OPCML: variants seen among roughly 807,000 people sequenced by gnomAD.
The protein encoded by OPCML is opioid binding protein/cell adhesion molecule like, also known as opioid-binding protein/cell adhesion molecule.
OPCML carries 13 observed loss-of-function variants against 37.8 expected under a neutral mutation model. That is an observed-to-expected ratio of 0.34 (90% confidence interval 0.22 to 0.55). The LOEUF (loss-of-function observed/expected upper bound fraction) is 0.55. OPCML is among the 20% of genes least tolerant of loss of function. The pLI is 0.91. For missense variants in OPCML, 341 were observed against 435.6 expected, an observed-to-expected ratio of 0.78 and a Z score of 1.93; for synonymous variants, 176 against 168.8, an observed-to-expected ratio of 1.04 and a Z score of -0.33.
intron 2 of OPCML, among the ~76,000 whole-genome samples, chr11:132,884,710 G>C (rs370878453): frequency 5.3e-5 from 8 of 152,256 alleles, no homozygotes; most frequent in African/African-American, 1.9e-4. Flanking sequence ...TTCATTAGTG[G>C]CTACAATCAA....
chr11:132,551,112 T>C (rs1414467536), intron 3 of OPCML, among the ~76,000 whole-genome samples: 1 of 152,228 alleles, frequency 6.6e-6, no homozygotes, highest in Non-Finnish European at 1.5e-5. Flanking sequence ...TTCTGTGAGT[T>C]ACTCTTTCTC....
At chr11:133,407,654 G>C (rs182043966) in intron 1 of OPCML, among the ~76,000 whole-genome samples, 2 of 152,314 alleles carry the variant, frequency 1.3e-5, no homozygotes, top group Admixed American at 1.3e-4. Flanking sequence ...CATGTTTCTG[G>C]AAGTCTCCTG....
intron 3 of OPCML, among the ~76,000 whole-genome samples, chr11:132,615,896 A>G (rs1207738028): frequency 1.3e-5 from 2 of 152,232 alleles, no homozygotes; most frequent in African/African-American, 4.8e-5. Context: ...CAAGAGGGAA[A>G]AAAAGGCAGA....
chr11:133,409,649 C>G (rs950503111), intron 1 of OPCML, among the ~76,000 whole-genome samples: 5 of 152,104 alleles, frequency 3.3e-5, no homozygotes, highest in African/African-American at 1.2e-4. Flanking sequence ...GAGATTTGGA[C>G]CAAAGTCTCA....
chr11:132,615,752 T>C (rs1203329784), intron 3 of OPCML, among the ~76,000 whole-genome samples: 1 of 152,080 alleles, frequency 6.6e-6, no homozygotes, highest in Non-Finnish European at 1.5e-5. Context: ...CCGTAATACA[T>C]GCGAACTACT....
At chr11:133,528,087 G>C (rs1451205445) in intron 1 of OPCML, among the ~76,000 whole-genome samples, 1 of 152,186 alleles carries the variant, frequency 6.6e-6, no homozygotes, top group Non-Finnish European at 1.5e-5. Context: ...ATTCGAGAAA[G>C]CACAAAGGCA....
At chr11:132,554,103 C>A (rs1034171045) in intron 3 of OPCML, among the ~76,000 whole-genome samples, 1 of 152,146 alleles carries the variant, frequency 6.6e-6, no homozygotes, top group Non-Finnish European at 1.5e-5. Context: ...AAGGAGAACA[C>A]GCTGGGACCT....
intron 1 of OPCML, among the ~76,000 whole-genome samples, chr11:133,098,685 G>C (rs565313812): frequency 1.3e-5 from 2 of 152,178 alleles, no homozygotes; most frequent in African/African-American, 4.8e-5. Context: ...ACTTGATAAA[G>C]AACATCTCCA....
intron 4 of OPCML, among the ~76,000 whole-genome samples, chr11:132,490,585 G>A (rs1227962669): frequency 6.6e-6 from 1 of 152,106 alleles, no homozygotes; most frequent in South Asian, 2.1e-4. Flanking sequence ...TTGGGAGGCC[G>A]AGGCGGGCGG....
At chr11:132,551,893 T>C (rs1038455131) in intron 3 of OPCML, among the ~76,000 whole-genome samples, 1 of 152,190 alleles carries the variant, frequency 6.6e-6, no homozygotes, top group African/African-American at 2.4e-5. Context: ...CCTGTCTTGA[T>C]AAATTGGCTC....
intron 3 of OPCML, among the ~76,000 whole-genome samples, chr11:132,546,946 G>A (rs1241162942): frequency 6.6e-6 from 1 of 152,226 alleles, no homozygotes; most frequent in Non-Finnish European, 1.5e-5. Context: ...TTCCACTGCT[G>A]TAGACAGAGA....
chr11:132,782,128 C>A (rs1165520306), intron 2 of OPCML, among the ~76,000 whole-genome samples: 1 of 151,592 alleles, frequency 6.6e-6, no homozygotes, highest in Non-Finnish European at 1.5e-5. Flanking sequence ...AGAACAGAAC[C>A]TGGGGTTGCT....
At chr11:132,447,606 G>A (rs573049647) in intron 4 of OPCML, among the ~76,000 whole-genome samples, 6 of 152,168 alleles carry the variant, frequency 3.9e-5, no homozygotes, top group Non-Finnish European at 5.9e-5. Flanking sequence ...CACCATACCC[G>A]GTCGACAGTG....
At chr11:133,310,157 C>T (rs900855297) in intron 1 of OPCML, among the ~76,000 whole-genome samples, 1 of 152,160 alleles carries the variant, frequency 6.6e-6, no homozygotes, top group African/African-American at 2.4e-5. Flanking sequence ...CTTGTTCGCA[C>T]AAATCTGATT....
At chr11:132,902,225 G>A (rs1477362671) in intron 2 of OPCML, among the ~76,000 whole-genome samples, 1 of 152,200 alleles carries the variant, frequency 6.6e-6, no homozygotes, top group Non-Finnish European at 1.5e-5. Context: ...GAGGCTGAAT[G>A]GCTGTAGGGT....
intron 2 of OPCML, among the ~76,000 whole-genome samples, chr11:132,711,732 G>A (rs746034467): frequency 1.3e-5 from 2 of 152,112 alleles, no homozygotes; most frequent in African/African-American, 2.4e-5. Context: ...TATACATATG[G>A]AAATACAGTG....
intron 1 of OPCML, among the ~76,000 whole-genome samples, chr11:133,021,871 T>C (rs1947462913): frequency 6.6e-6 from 1 of 151,976 alleles, no homozygotes; most frequent in Non-Finnish European, 1.5e-5. Context: ...GGCAGTGTGC[T>C]GAGCCCCGTG....
intron 1 of OPCML, among the ~76,000 whole-genome samples, chr11:133,229,677 A>G (rs967420251): frequency 6.6e-6 from 1 of 152,170 alleles, no homozygotes; most frequent in Non-Finnish European, 1.5e-5. Flanking sequence ...AAAGATGTAC[A>G]TAGTATATGC....
At chr11:132,967,810 G>A (rs1350388745) in intron 1 of OPCML, among the ~76,000 whole-genome samples, 2 of 152,106 alleles carry the variant, frequency 1.3e-5, no homozygotes, top group Non-Finnish European at 2.9e-5. Flanking sequence ...AGTATTTCTT[G>A]TAAGGTGGTC....
Sources: gnomAD v4.1 joint callset for allele counts (sites outside exome capture counted in the v4.1 genomes callset) on GRCh38, gnomAD v4.1.1 for gene constraint, MANE v1.5 for transcripts, NCBI Gene and HGNC (gene_info 2026-07-23, HGNC 2026-07-21) for gene names.